The following SLC9A8 variants were observed in gnomAD, a reference collection of about 807,000 sequenced individuals.
SLC9A8 encodes sodium/hydrogen exchanger 8.
Under a neutral mutation model 66.6 loss-of-function variants are expected in SLC9A8, and 48 were observed. The observed-to-expected ratio is 0.72, with a 90% CI of 0.57 to 0.92. The LOEUF is 0.92. SLC9A8 is among the 40% of genes least tolerant of loss of function. SLC9A8 has a pLI of 0.00. For synonymous variants in SLC9A8, 274 were observed against 282.6 expected (o/e 0.97, Z 0.31); for missense variants, 599 against 747.3 (o/e 0.80, Z 2.31).
chr20:49,850,913 T>G (rs2088222729), intron 7 of SLC9A8, 69 bp downstream of exon 7: 2 of 1,188,316 alleles, frequency 1.7e-6, no homozygotes, highest in African/African-American at 3.1e-5. Context: ...TCCACATTGC[T>G]TCCTGGGTGT....
At chr20:49,884,469 T>C (rs2089819693) in intron 14 of SLC9A8, among the ~76,000 whole-genome samples, 2 of 152,052 alleles carry the variant, frequency 1.3e-5, no homozygotes, top group Admixed American at 6.5e-5. Context: ...ATCTGCTCCC[T>C]CTCTGAAGCT....
At chr20:49,846,058 C>T (rs1302522123) in intron 5 of SLC9A8, among the ~76,000 whole-genome samples, 2 of 152,010 alleles carry the variant, frequency 1.3e-5, no homozygotes, top group African/African-American at 2.4e-5. Flanking sequence ...AGGCTGGTCT[C>T]GAACTCCTGA....
In SLC9A8 at chr20:49,864,725, C is replaced by T. The variant is rs2088892130; in HGVS notation, c.853-14C>T. On this transcript the variant is annotated splice_polypyrimidine_tract_variant and intron_variant, in intron 9 of 15. Transcript: ENST00000361573. The stretch of plus-strand genomic sequence containing the variant: ...CTCTCCCTCGATTCTCCTTCCTTGA[C>T]AGTTGTCATTTACGTGCTGAAGCAT... 6.3e-7 allele frequency: 1 copy of T among 1,595,280 alleles called. No homozygotes were observed. Among genetic ancestry groups the T allele is most frequent in the Non-Finnish European group, 8.6e-7 (1 of 1,162,750 alleles).
rs558703161 is a variant in SLC9A8 at position 49,832,085 on chromosome 20, G to A, written c.290-7456G>A. Among the ~76,000 whole-genome samples the A allele has an allele frequency of 2.8e-4, 43 of 152,132 alleles. No individual in the cohort carries two copies. The South Asian group carries it at 3.1e-3, about 11-fold the overall frequency. On this transcript the variant is annotated intron_variant, in intron 3 of 15. Transcript: ENST00000361573. The stretch of plus-strand genomic sequence containing the variant: ...CTGCTCTGACCTTGGTCTCCTCCCC[G>A]CAGTCCCACATTCTCCAGCCTGCCC...
chr20:49,836,199 C>T (rs906948879), intron 3 of SLC9A8, among the ~76,000 whole-genome samples: 35 of 152,156 alleles, frequency 2.3e-4, no homozygotes, highest in Admixed American at 7.2e-4. Context: ...GCTTCTTTCA[C>T]TTGGTGTATT....
At chr20:49,849,975 A>C (rs910032480) in intron 6 of SLC9A8, among the ~76,000 whole-genome samples, 6 of 152,234 alleles carry the variant, frequency 3.9e-5, no homozygotes, top group Admixed American at 1.3e-4. Flanking sequence ...AATACCTAAA[A>C]ATGAAGCCAA....
At chr20:49,878,500 CTT>C (rs1183772222) in intron 12 of SLC9A8, among the ~76,000 whole-genome samples, 4 of 152,164 alleles carry the variant, frequency 2.6e-5, no homozygotes, top group Admixed American at 1.3e-4. Flanking sequence ...ATTTCTTTCT[CTT>C]TTCTGCTTTT....
intron 10 of SLC9A8, among the ~76,000 whole-genome samples, chr20:49,868,064 G>A (rs1188099526): frequency 3.3e-5 from 5 of 152,156 alleles, no homozygotes; most frequent in African/African-American, 4.8e-5. Flanking sequence ...TTACAAAAAC[G>A]TTACCTGTGA....
chr20:49,844,405 G>A (rs945562643), intron 4 of SLC9A8, among the ~76,000 whole-genome samples: 1 of 151,968 alleles, frequency 6.6e-6, no homozygotes, highest in African/African-American at 2.4e-5. Flanking sequence ...GAAATTTTCT[G>A]TATTCAGATT....
At chr20:49,859,049 C>T (rs1049777857) in intron 8 of SLC9A8, among the ~76,000 whole-genome samples, 3 of 152,118 alleles carry the variant, frequency 2.0e-5, no homozygotes, top group Admixed American at 2.0e-4. Context: ...AGTTTCCAGT[C>T]TCCTCGTCCA....
intron 13 of SLC9A8, 76 bp downstream of exon 13, chr20:49,881,111 C>T: frequency 9.4e-7 from 1 of 1,068,404 alleles, no homozygotes; most frequent in Non-Finnish European, 1.5e-6. Context: ...AGCTGTGGTT[C>T]TCTGCTAGCG....
At chr20:49,877,890 C>A in intron 11 of SLC9A8, 91 bp from the exon 12 acceptor site, 1 of 832,530 alleles carries the variant, frequency 1.2e-6, no homozygotes, top group Non-Finnish European at 1.9e-6. Flanking sequence ...GTATTGGATT[C>A]TGACTGTGAA....
rs76508797 is a variant in SLC9A8 at position 49,888,492 on chromosome 20, C to T, written c.*556C>T. ...CTTCCTGTGCTCCCTCAGAGAGAAACGGAGTGACCTTTTGTCCTTTACCTG... is the reference window on the plus strand; with the variant it reads ...CTTCCTGTGCTCCCTCAGAGAGAAATGGAGTGACCTTTTGTCCTTTACCTG... On this transcript the variant is annotated 3_prime_UTR_variant, in exon 16 of 16. Transcript: ENST00000361573. 788 of 159,214 alleles carry T rather than the reference C, an allele frequency of 4.9e-3. 9 individuals are homozygous for T. The highest frequency in any genetic ancestry group is 0.018 in the African/African-American group (740 of 41,574). The allele number at this position is 159,214 out of a possible 1,614,324, so 9.9% of individuals were successfully genotyped here. A position where few individuals can be genotyped will look rare whatever the true frequency, so the allele number is the denominator to read the frequency against.
At chr20:49,874,367 T>G (rs585976) in intron 10 of SLC9A8, among the ~76,000 whole-genome samples, 122,297 of 151,994 alleles carry the variant, frequency 0.8, 49,220 homozygotes, top group East Asian at 0.84. Flanking sequence ...CACCTTTTTA[T>G]CTTTGGTGCT....
intron 4 of SLC9A8, among the ~76,000 whole-genome samples, chr20:49,840,048 G>T (rs1246447864): frequency 3.9e-5 from 6 of 152,096 alleles, no homozygotes. Context: ...GATTGTCTGG[G>T]TATTGTAATA....
At chr20:49,818,583 C>T (rs1389589638) in intron 2 of SLC9A8, among the ~76,000 whole-genome samples, 5 of 151,446 alleles carry the variant, frequency 3.3e-5, no homozygotes, top group East Asian at 3.9e-4. Flanking sequence ...TTCTGCCTCC[C>T]GGGTTCAAGT....
At chr20:49,862,819 T>TATGA (rs3092598) in intron 8 of SLC9A8, 110 bp from the exon 9 acceptor site, 6 of 759,534 alleles carry the variant, frequency 7.9e-6, no homozygotes, top group South Asian at 1.9e-5. Flanking sequence ...TGAATGATGG[T>TATGA]ATGAATGAAT....
chr20:49,861,167 G>A (rs1296414469), intron 8 of SLC9A8, among the ~76,000 whole-genome samples: 1 of 152,182 alleles, frequency 6.6e-6, no homozygotes, highest in African/African-American at 2.4e-5. Context: ...AGAGAGGTAT[G>A]GCAGGCAGGA....
intron 14 of SLC9A8, among the ~76,000 whole-genome samples, chr20:49,884,603 A>T (rs552818675): frequency 6.6e-6 from 1 of 152,152 alleles, no homozygotes; most frequent in Non-Finnish European, 1.5e-5. Context: ...ATTCCCCAGT[A>T]TGGTTTTACT....
Sources: allele counts gnomAD v4.1 joint callset (sites outside exome capture counted in the v4.1 genomes callset), GRCh38; gene constraint gnomAD v4.1.1; transcripts MANE v1.5; gene names NCBI Gene and HGNC (gene_info 2026-07-23, HGNC 2026-07-21).